PTPRN2: variants seen among roughly 807,000 people sequenced by gnomAD.
PTPRN2 encodes receptor-type tyrosine-protein phosphatase N2.
Under a neutral mutation model 118.8 loss-of-function variants are expected in PTPRN2, and 74 were observed. The observed-to-expected ratio is 0.62, with a 90% CI of 0.52 to 0.76. PTPRN2 has a LOEUF of 0.76. Ranked by LOEUF, PTPRN2 falls within the 30% of genes least tolerant of loss-of-function variation. The probability of loss-of-function intolerance (pLI) is 0.00; values close to 1 mark genes in which losing one functional copy is unlikely to be tolerated. For missense variants in PTPRN2, 1,481 were observed against 1,394.4 expected, an observed-to-expected ratio of 1.06 and a Z score of -0.99; for synonymous variants, 641 against 608.0, an observed-to-expected ratio of 1.05 and a Z score of -0.80.
intron 11 of PTPRN2, among the ~76,000 whole-genome samples, chr7:157,980,336 A>G (rs554526746): frequency 9.8e-4 from 150 of 152,370 alleles, no homozygotes; most frequent in Non-Finnish European, 1.6e-3. Flanking sequence ...AGGGAAGAAC[A>G]TTCTCCAAAT....
intron 2 of PTPRN2, among the ~76,000 whole-genome samples, chr7:158,348,244 C>A (rs930332847): frequency 6.6e-6 from 1 of 152,040 alleles, no homozygotes; most frequent in Admixed American, 6.5e-5. Flanking sequence ...CAGATCCCGG[C>A]CACTGTGCCA....
intron 17 of PTPRN2, among the ~76,000 whole-genome samples, chr7:157,594,922 A>C (rs1801205969): frequency 6.6e-6 from 1 of 152,252 alleles, no homozygotes; most frequent in Non-Finnish European, 1.5e-5. Flanking sequence ...GCCATGGACA[A>C]CAGGCACATT....
Position 158,178,595 on chromosome 7 carries a change from T to C in PTPRN2, c.550-11304A>G, listed in dbSNP as rs968200152. 8.2e-3 allele frequency among the ~76,000 whole-genome samples: 1,123 copies of C among 136,314 alleles called. 40 individuals carry two copies. Among genetic ancestry groups the C allele is most frequent in the African/African-American group, 0.029 (1,080 of 36,676 alleles). 89.4% of individuals were successfully genotyped at this position (136,314 alleles called of 152,430 possible). On this transcript the variant is annotated intron_variant, in intron 5 of 22. Transcript: ENST00000389418. Reference sequence around the variant, plus strand: ...TATATACTACATTTTCTTTCTTTTTTTTTTTTTTTTTTTTTTTTTTTAAGA... The same window carrying C: ...TATATACTACATTTTCTTTCTTTTTCTTTTTTTTTTTTTTTTTTTTTAAGA...
At chr7:158,018,354 G>C (rs1211743268) in intron 11 of PTPRN2, among the ~76,000 whole-genome samples, 3 of 151,590 alleles carry the variant, frequency 2.0e-5, no homozygotes, top group Admixed American at 6.6e-5. Flanking sequence ...AAGGTGGCCA[G>C]AGAAGACAGG....
intron 2 of PTPRN2, among the ~76,000 whole-genome samples, chr7:158,469,694 G>A (rs1361285966): frequency 7.2e-6 from 1 of 138,582 alleles, no homozygotes; most frequent in African/African-American, 2.8e-5. Flanking sequence ...ACACCAAAGA[G>A]CATCTGTTCG....
At chr7:158,097,138 T>C (rs1291797014) in intron 10 of PTPRN2, among the ~76,000 whole-genome samples, 1 of 151,964 alleles carries the variant, frequency 6.6e-6, no homozygotes, top group Admixed American at 6.6e-5. Flanking sequence ...GGCAAAACAA[T>C]CACAACTCTG....
At chr7:158,073,872 C>T (rs1812139540) in intron 11 of PTPRN2, among the ~76,000 whole-genome samples, 1 of 152,230 alleles carries the variant, frequency 6.6e-6, no homozygotes, top group Non-Finnish European at 1.5e-5. Flanking sequence ...GGACAGCAGG[C>T]TCCTCCAGCA....
At chr7:157,917,029 C>T (rs1432736209) in intron 11 of PTPRN2, among the ~76,000 whole-genome samples, 14 of 144,056 alleles carry the variant, frequency 9.7e-5, no homozygotes, top group African/African-American at 2.6e-4. Context: ...GTCCAATACA[C>T]GTCCCCCTCC....
At chr7:157,829,455 CG>C (rs1451374341) in intron 12 of PTPRN2, among the ~76,000 whole-genome samples, 1 of 152,200 alleles carries the variant, frequency 6.6e-6, no homozygotes, top group East Asian at 1.9e-4. Flanking sequence ...CCGTGTGCAC[CG>C]CAGGCCATAC....
intron 13 of PTPRN2, among the ~76,000 whole-genome samples, chr7:157,670,036 C>T (rs1417644721): frequency 5.3e-5 from 8 of 152,206 alleles, no homozygotes; most frequent in South Asian, 4.1e-4. Flanking sequence ...CTCCAGATCA[C>T]GGCTCGCTCA....
chr7:157,720,269 C>T (rs973256704), intron 12 of PTPRN2, among the ~76,000 whole-genome samples: 2 of 152,014 alleles, frequency 1.3e-5, no homozygotes, highest in African/African-American at 2.4e-5. Context: ...TGGTAGCTAC[C>T]CTCGCCCCAT....
At chr7:158,342,868 C>T (rs372471958) in intron 2 of PTPRN2, among the ~76,000 whole-genome samples, 1 of 151,980 alleles carries the variant, frequency 6.6e-6, no homozygotes, top group Non-Finnish European at 1.5e-5. Context: ...ATCGTGCTCA[C>T]TTGAGCCAAG....
chr7:158,266,725 G>A (rs1202269772), intron 3 of PTPRN2, among the ~76,000 whole-genome samples: 1 of 152,242 alleles, frequency 6.6e-6, no homozygotes, highest in African/African-American at 2.4e-5. Flanking sequence ...TGGGCAGAGA[G>A]ATGAGAGTTC....
intron 2 of PTPRN2, among the ~76,000 whole-genome samples, chr7:158,332,846 C>G (rs1346432330): frequency 2.0e-5 from 3 of 148,390 alleles, no homozygotes; most frequent in African/African-American, 5.2e-5. Context: ...GTGACACATG[C>G]AAACGTCACT....
intron 12 of PTPRN2, among the ~76,000 whole-genome samples, chr7:157,878,060 G>T (rs956723673): frequency 6.6e-6 from 1 of 152,236 alleles, no homozygotes; most frequent in Non-Finnish European, 1.5e-5. Context: ...ACTCTGAAGG[G>T]CCTGCCCGTG....
At chr7:158,044,091 C>G (rs1399326971) in intron 11 of PTPRN2, among the ~76,000 whole-genome samples, 4 of 152,200 alleles carry the variant, frequency 2.6e-5, no homozygotes, top group Non-Finnish European at 4.4e-5. Flanking sequence ...GTCATTAACT[C>G]CCAAAGCAAC....
At chr7:158,449,961 G>C (rs747756869) in intron 2 of PTPRN2, among the ~76,000 whole-genome samples, 4 of 152,198 alleles carry the variant, frequency 2.6e-5, no homozygotes, top group Non-Finnish European at 5.9e-5. Context: ...AGGATGCCGT[G>C]GTGCCACAGA....
chr7:157,664,504 C>T (rs796548587), intron 13 of PTPRN2, among the ~76,000 whole-genome samples: 62 of 152,364 alleles, frequency 4.1e-4, no homozygotes, highest in African/African-American at 1.2e-3. Context: ...TGGTGGCTCA[C>T]GCCTGTAATC....
At position 157,944,968 on chromosome 7, in the gene PTPRN2, A is replaced by C. The variant is rs1353628216; in HGVS notation, c.1724-46231T>G. ...ACACCGTGCCGAATGGAGCCTGTGC[A>C]GCTCCCAGTGCTGTGACCCCACCAT... On this transcript the variant is annotated intron_variant, in intron 11 of 22. Transcript: ENST00000389418. The surrounding 1 kb of genome is among the most constrained non-coding windows in gnomAD (Gnocchi z 4.3). Among the ~76,000 whole-genome samples the C allele has an allele frequency of 1.3e-5, 2 of 152,206 alleles. No individual in the cohort carries two copies. Among genetic ancestry groups the C allele is most frequent in the East Asian group, 3.9e-4 (2 of 5,194 alleles).
Sources: gnomAD v4.1 joint callset for allele counts (sites outside exome capture counted in the v4.1 genomes callset) on GRCh38, gnomAD v4.1.1 for gene constraint, Gnocchi (gnomAD v3.1) non-coding constraint, MANE v1.5 for transcripts, NCBI Gene and HGNC (gene_info 2026-07-23, HGNC 2026-07-21) for gene names.